CRPPA: variants seen among roughly 807,000 people sequenced by gnomAD.
The protein encoded by CRPPA is CDP-L-ribitol pyrophosphorylase A.
CRPPA carries 43 observed loss-of-function variants against 52.0 expected under a neutral mutation model. That is an observed-to-expected ratio of 0.83 (90% CI 0.65 to 1.07). The LOEUF is 1.07. Among genes scored for constraint, CRPPA ranks in the 50% least tolerant of loss-of-function variants. The pLI is 0.00. For synonymous variants in CRPPA, 250 were observed against 203.5 expected (o/e 1.23, Z -1.94); for missense variants, 629 against 551.7 (o/e 1.14, Z -1.40).
rs538584523 is a variant in CRPPA at position 16,260,078 on chromosome 7, A to G, written c.934-1066T>C. On this transcript the variant is annotated intron_variant, in intron 6 of 9. Coordinates refer to ENST00000407010, the MANE Select transcript of CRPPA (RefSeq NM_001101426.4). The stretch of plus-strand genomic sequence containing the variant: ...TCAACAATATATTAACACCACAATA[A>G]AAAAAGAAACCAGTATCCATTCTGC... Among the ~76,000 whole-genome samples, 27 of 152,136 alleles carry G rather than the reference A, an allele frequency of 1.8e-4. No individual in the cohort carries two copies. The Middle Eastern group carries it at 0.01, about 57-fold the overall frequency.
intron 8 of CRPPA, among the ~76,000 whole-genome samples, chr7:16,254,792 G>GAAAGAAAGAAAGAAGGAAA (rs1783573898): frequency 9.8e-6 from 1 of 101,756 alleles, no homozygotes; most frequent in Non-Finnish European, 1.9e-5. Flanking sequence ...AAAGAAAGAA[G>GAAAGAAAGAAAGAAGGAAA]GAAAGAAAGA....
intron 6 of CRPPA, among the ~76,000 whole-genome samples, chr7:16,263,943 A>C (rs1783886535): frequency 4.6e-5 from 7 of 152,158 alleles, no homozygotes; most frequent in Admixed American, 3.3e-4. Context: ...TTTACATAAA[A>C]GTTATCAAAT....
chr7:16,399,077 C>T (rs192945795), intron 2 of CRPPA, among the ~76,000 whole-genome samples: 5 of 152,348 alleles, frequency 3.3e-5, no homozygotes, highest in East Asian at 1.9e-4. Flanking sequence ...ATGACCAACA[C>T]GTGACTGACA....
chr7:16,191,685 G>A (rs1232894046), intron 9 of CRPPA, among the ~76,000 whole-genome samples: 1 of 152,062 alleles, frequency 6.6e-6, no homozygotes, highest in Non-Finnish European at 1.5e-5. Flanking sequence ...GCTTCCTTTA[G>A]TGAAATGTGC....
chr7:16,202,535 C>T (rs900668389), intron 9 of CRPPA, among the ~76,000 whole-genome samples: 1 of 152,156 alleles, frequency 6.6e-6, no homozygotes, highest in African/African-American at 2.4e-5. Context: ...ACAAAAACAT[C>T]CTGTCTTGTT....
At chr7:16,249,529 A>T (rs186666114) in intron 8 of CRPPA, among the ~76,000 whole-genome samples, 1 of 152,302 alleles carries the variant, frequency 6.6e-6, no homozygotes, top group African/African-American at 2.4e-5. Flanking sequence ...TTCCAGAGGA[A>T]GGATCAGACA....
At chr7:16,233,569 C>CA (rs1486206048) in intron 8 of CRPPA, among the ~76,000 whole-genome samples, 1 of 152,168 alleles carries the variant, frequency 6.6e-6, no homozygotes, top group South Asian at 2.1e-4. Context: ...GTGACTAATA[C>CA]AAAAAATACT....
intron 9 of CRPPA, among the ~76,000 whole-genome samples, chr7:16,107,170 T>G (rs756565652): frequency 6.6e-6 from 1 of 151,472 alleles, no homozygotes; most frequent in African/African-American, 2.4e-5. Context: ...GCAGACGGAA[T>G]AGAAAGCAGA....
At chr7:16,329,138 C>A (rs1216334668) in intron 3 of CRPPA, among the ~76,000 whole-genome samples, 2 of 150,536 alleles carry the variant, frequency 1.3e-5, no homozygotes, top group Non-Finnish European at 3.0e-5. Context: ...TTTCCATAGG[C>A]AATTTTAGTT....
chr7:16,259,350 G>C (rs1214572969), intron 6 of CRPPA, among the ~76,000 whole-genome samples: 1 of 151,956 alleles, frequency 6.6e-6, no homozygotes, highest in African/African-American at 2.4e-5. Context: ...AAAAGAGAAA[G>C]GGTGCAGTGA....
chr7:16,193,120 A>G (rs1015509582), intron 9 of CRPPA, among the ~76,000 whole-genome samples: 1 of 152,178 alleles, frequency 6.6e-6, no homozygotes, highest in Non-Finnish European at 1.5e-5. Flanking sequence ...CTTGCATTGA[A>G]TTACAGCTCA....
intron 9 of CRPPA, among the ~76,000 whole-genome samples, chr7:16,139,480 T>C (rs1295193): frequency 1 from 152,282 of 152,282 alleles, 76,141 homozygotes; most frequent in Non-Finnish European, 1. Flanking sequence ...AATTTAAAAC[T>C]TTATATAATG....
intron 2 of CRPPA, among the ~76,000 whole-genome samples, chr7:16,384,892 T>A (rs967069159): frequency 1.3e-5 from 2 of 152,084 alleles, no homozygotes; most frequent in East Asian, 1.9e-4. Flanking sequence ...AGACCTCAAA[T>A]CAGAATCAGC....
intron 9 of CRPPA, among the ~76,000 whole-genome samples, chr7:16,193,144 T>C (rs1385849117): frequency 1.3e-5 from 2 of 152,206 alleles, no homozygotes; most frequent in Non-Finnish European, 2.9e-5. Context: ...GGTGGAGAAC[T>C]GTTATCCTGT....
At chr7:16,326,088 G>A (rs1020902336) in intron 3 of CRPPA, among the ~76,000 whole-genome samples, 2 of 147,952 alleles carry the variant, frequency 1.4e-5, no homozygotes, top group East Asian at 2.0e-4. Flanking sequence ...CTCAGTGACA[G>A]TACTAAGGCT....
intron 5 of CRPPA, among the ~76,000 whole-genome samples, chr7:16,290,542 C>A (rs1784540250): frequency 6.6e-6 from 1 of 151,964 alleles, no homozygotes; most frequent in Non-Finnish European, 1.5e-5. Flanking sequence ...CAGGAATATA[C>A]ATGGGGAAAA....
chr7:16,421,128 C>T lies in CRPPA; in HGVS notation c.195G>A (p.Pro65=), dbSNP rs1583596036. ...TCTCCAGGATGGGGCAGAATTGCTT[C>T]GGGGTGGGGACCCCCATCCTCTCCC... is the stretch of plus-strand genomic sequence containing the variant. The part of the protein sequence containing the change: ...GCGERMGVPT[P]KQFCPILERP... The change falls in exon 1 of 10, where the codon CCG becomes CCA. Residue 65 remains proline (P), a synonymous_variant. Coordinates refer to ENST00000407010, the MANE Select transcript of CRPPA (RefSeq NM_001101426.4). 7.6e-7 allele frequency: 1 copy of T among 1,321,536 alleles called. No individual in the cohort carries two copies. The highest frequency in any genetic ancestry group is 9.7e-7 in the Non-Finnish European group (1 of 1,028,836). 81.9% of individuals were successfully genotyped at this position (1,321,536 alleles called of 1,614,324 possible). A position where few individuals can be genotyped will look rare whatever the true frequency, so the allele number is the denominator to read the frequency against.
intron 3 of CRPPA, among the ~76,000 whole-genome samples, chr7:16,353,711 G>A (rs182349005): frequency 6.8e-4 from 103 of 152,062 alleles, no homozygotes; most frequent in African/African-American, 1.8e-3. Flanking sequence ...TTAACCAGGC[G>A]TGGTGACACG....
intron 9 of CRPPA, among the ~76,000 whole-genome samples, chr7:16,140,966 C>T (rs575225054): frequency 3.8e-4 from 58 of 152,126 alleles, no homozygotes; most frequent in Non-Finnish European, 7.9e-4. Flanking sequence ...CTTGTGAATG[C>T]CTAAAACTGA....
Sources: allele counts gnomAD v4.1 joint callset (sites outside exome capture counted in the v4.1 genomes callset), GRCh38; gene constraint gnomAD v4.1.1; transcripts MANE v1.5; gene names NCBI Gene and HGNC (gene_info 2026-07-23, HGNC 2026-07-21).